Variants in NELL2 observed in about 807,000 individuals in gnomAD.
The protein encoded by NELL2 is protein kinase C-binding protein NELL2.
A neutral mutation model predicts 109.6 loss-of-function variants in NELL2; 41 were observed. That is an observed-to-expected ratio of 0.37 (90% CI 0.29 to 0.49). The LOEUF is 0.49. Ranked by LOEUF, NELL2 falls within the 20% of genes least tolerant of loss-of-function variation. NELL2 has a pLI of 0.98. For synonymous variants in NELL2, 355 were observed against 344.7 expected, an observed-to-expected ratio of 1.03 and a Z score of -0.33; for missense variants, 900 against 1,008.3, an observed-to-expected ratio of 0.89 and a Z score of 1.45.
At chr12:44,584,720 T>G (rs758550939) in intron 15 of NELL2, among the ~76,000 whole-genome samples, 1 of 152,210 alleles carries the variant, frequency 6.6e-6, no homozygotes, top group East Asian at 1.9e-4. Context: ...TGAAAATCCA[T>G]GTTGCTATAA....
chr12:44,737,656 T>C (rs1395184072), intron 9 of NELL2, among the ~76,000 whole-genome samples: 2 of 152,164 alleles, frequency 1.3e-5, no homozygotes, highest in African/African-American at 4.8e-5. Flanking sequence ...ACCTGCATCA[T>C]TAAATGAGTA....
At chr12:44,749,021 C>A (rs1940523848) in intron 9 of NELL2, among the ~76,000 whole-genome samples, 1 of 152,134 alleles carries the variant, frequency 6.6e-6, no homozygotes, top group African/African-American at 2.4e-5. Context: ...ATCACTCATG[C>A]CACATTAGCC....
chr12:44,876,339 G>A (rs371914052), upstream of NELL2: 21 of 1,199,474 alleles, frequency 1.8e-5, no homozygotes, highest in East Asian at 6.0e-4. Context: ...GGAGACGCGC[G>A]GAGAGACTGC....
At chr12:44,557,527 G>A (rs1943303275) in intron 15 of NELL2, among the ~76,000 whole-genome samples, 1 of 152,112 alleles carries the variant, frequency 6.6e-6, no homozygotes, top group Admixed American at 6.6e-5. Context: ...TGAAGAGGTG[G>A]AATCTACAAG....
At chr12:44,885,366 T>C (rs904945538) in intron 1 of NELL2, among the ~76,000 whole-genome samples, 2 of 152,126 alleles carry the variant, frequency 1.3e-5, no homozygotes, top group South Asian at 2.1e-4. Context: ...CTAAATGATA[T>C]GGTCATCTAC....
At chr12:44,587,834 T>G (rs1438102571) in intron 15 of NELL2, among the ~76,000 whole-genome samples, 1 of 152,080 alleles carries the variant, frequency 6.6e-6, no homozygotes, top group Admixed American at 6.6e-5. Context: ...TTAGCAAAAT[T>G]TTTGGATTGA....
chr12:44,702,102 C>A (rs1000626071), intron 12 of NELL2, among the ~76,000 whole-genome samples: 1 of 152,066 alleles, frequency 6.6e-6, no homozygotes, highest in African/African-American at 2.4e-5. Flanking sequence ...ATCATCAAGT[C>A]TCAGGTTACC....
At chr12:44,921,469 C>A (rs1945867537) in intron 1 of NELL2, among the ~76,000 whole-genome samples, 1 of 152,154 alleles carries the variant, frequency 6.6e-6, no homozygotes, top group Non-Finnish European at 1.5e-5. Flanking sequence ...CAAAGTTAGA[C>A]AGGCAGGCTT....
rs1008038083 is a variant in NELL2 at position 44,696,849 on chromosome 12, A to G, written c.1318+6877T>C. ...TAGAAGTTTGTGAGAATTCAAGGAA[A>G]ATAAACAGGCTGTGATTACTAGGCA... On this transcript the variant is annotated intron_variant, in intron 12 of 19. Coordinates refer to ENST00000429094, the MANE Select transcript of NELL2 (RefSeq NM_001145108.2). 1.7e-4 allele frequency among the ~76,000 whole-genome samples: 26 copies of G among 152,236 alleles called. 1 individual carries two copies. The highest frequency in any genetic ancestry group is 4.4e-5 in the Non-Finnish European group (3 of 68,040).
chr12:44,800,590 T>C (rs986299568), intron 3 of NELL2, among the ~76,000 whole-genome samples: 3 of 152,210 alleles, frequency 2.0e-5, no homozygotes, highest in African/African-American at 7.2e-5. Flanking sequence ...TATGTCCATC[T>C]GGAGTGAGTA....
chr12:44,692,301 T>C (rs1948924094), intron 12 of NELL2, among the ~76,000 whole-genome samples: 1 of 152,134 alleles, frequency 6.6e-6, no homozygotes, highest in African/African-American at 2.4e-5. Context: ...CGCACATCTG[T>C]TTATACCACG....
At chr12:44,767,786 G>T (rs1941395465) in intron 9 of NELL2, among the ~76,000 whole-genome samples, 1 of 152,014 alleles carries the variant, frequency 6.6e-6, no homozygotes, top group Non-Finnish European at 1.5e-5. Context: ...TATATAAAAA[G>T]CCTAGACAGG....
intron 3 of NELL2, among the ~76,000 whole-genome samples, chr12:44,802,373 A>G (rs1942860450): frequency 6.6e-6 from 1 of 152,120 alleles, no homozygotes; most frequent in South Asian, 2.1e-4. Context: ...AAAATTTGAA[A>G]AGCCATAAAC....
At chr12:44,921,206 A>G (rs192779054) in intron 1 of NELL2, among the ~76,000 whole-genome samples, 341 of 152,296 alleles carry the variant, frequency 2.2e-3, no homozygotes, top group Non-Finnish European at 4.1e-3. Flanking sequence ...CATTGAAACC[A>G]TGACATGGAA....
chr12:44,682,660 A>G (rs917532617), intron 12 of NELL2, among the ~76,000 whole-genome samples: 3 of 152,208 alleles, frequency 2.0e-5, no homozygotes, highest in African/African-American at 4.8e-5. Flanking sequence ...CCCCAGCACC[A>G]TTTATTAAAT....
chr12:44,547,014 T>A (rs2136158363), intron 15 of NELL2, among the ~76,000 whole-genome samples: 1 of 152,236 alleles, frequency 6.6e-6, no homozygotes, highest in African/African-American at 2.4e-5. Flanking sequence ...ACACAAACCT[T>A]TTTTTTAAAA....
chr12:44,600,131 T>TTA (rs1565996882), intron 15 of NELL2, among the ~76,000 whole-genome samples: 14 of 38,980 alleles, frequency 3.6e-4, no homozygotes, highest in African/African-American at 1.0e-3. Context: ...CCGGCTAATT[T>TTA]ATTTATTTAT....
chr12:44,780,940 C>T (rs184792596), intron 3 of NELL2, among the ~76,000 whole-genome samples: 3 of 152,100 alleles, frequency 2.0e-5, no homozygotes, highest in East Asian at 1.9e-4. Flanking sequence ...CTAAAACAGG[C>T]GGGTTAAATA....
intron 13 of NELL2, among the ~76,000 whole-genome samples, chr12:44,639,968 C>T (rs926407882): frequency 6.6e-6 from 1 of 152,124 alleles, no homozygotes. Context: ...CTTAAACATA[C>T]CAACCTTTTA....
Sources: allele counts gnomAD v4.1 joint callset (sites outside exome capture counted in the v4.1 genomes callset), GRCh38; gene constraint gnomAD v4.1.1; transcripts MANE v1.5; gene names NCBI Gene and HGNC (gene_info 2026-07-23, HGNC 2026-07-21).